The following CSGALNACT1 variants were observed in gnomAD, a reference collection of about 807,000 sequenced individuals.
The protein encoded by CSGALNACT1 is chondroitin sulfate N-acetylgalactosaminyltransferase 1.
CSGALNACT1 carries 52 observed loss-of-function variants against 51.0 expected under a neutral mutation model. The observed-to-expected ratio is 1.02, with a 90% confidence interval of 0.82 to 1.29. The LOEUF is 1.29. CSGALNACT1 is among the 50% of genes most tolerant of loss of function. The pLI is 0.00. For synonymous variants in CSGALNACT1, 341 were observed against 254.4 expected, an observed-to-expected ratio of 1.34 and a Z score of -3.24; for missense variants, 935 against 679.2, an observed-to-expected ratio of 1.38 and a Z score of -4.19.
chr8:19,620,380 A>G (rs2154160256), intron 1 of CSGALNACT1, among the ~76,000 whole-genome samples: 1 of 151,942 alleles, frequency 6.6e-6, no homozygotes, highest in African/African-American at 2.4e-5. Flanking sequence ...GTACTCATTA[A>G]AACACTATCA....
At chr8:19,614,703 G>A (rs958438104) in intron 1 of CSGALNACT1, among the ~76,000 whole-genome samples, 3 of 152,328 alleles carry the variant, frequency 2.0e-5, no homozygotes, top group Admixed American at 2.0e-4. Context: ...TCTGATCAGA[G>A]AAGGTTGAAA....
intron 4 of CSGALNACT1, among the ~76,000 whole-genome samples, chr8:19,473,118 T>C (rs533662129): frequency 2.0e-5 from 3 of 152,334 alleles, no homozygotes; most frequent in Admixed American, 6.5e-5. Flanking sequence ...ATGCAATTGC[T>C]AGTTTTTTCA....
At chr8:19,516,553 C>T (rs561690905) in intron 3 of CSGALNACT1, among the ~76,000 whole-genome samples, 2 of 152,320 alleles carry the variant, frequency 1.3e-5, no homozygotes, top group African/African-American at 4.8e-5. Flanking sequence ...CCGTGATCTG[C>T]ATTTACACAT....
At chr8:19,747,201 C>G (rs759298208) in intron 1 of CSGALNACT1, among the ~76,000 whole-genome samples, 7 of 151,954 alleles carry the variant, frequency 4.6e-5, no homozygotes, top group Non-Finnish European at 8.8e-5. Flanking sequence ...GGTACTTAGC[C>G]AGCAAATAAT....
intron 3 of CSGALNACT1, among the ~76,000 whole-genome samples, chr8:19,576,589 C>A (rs575309124): frequency 8.6e-5 from 13 of 151,978 alleles, no homozygotes; most frequent in Admixed American, 3.3e-4. Context: ...AGACCCCCAA[C>A]GAGTCTTGCT....
chr8:19,503,509 G>A (rs1378053134), intron 4 of CSGALNACT1, among the ~76,000 whole-genome samples: 1 of 152,022 alleles, frequency 6.6e-6, no homozygotes, highest in Non-Finnish European at 1.5e-5. Flanking sequence ...AAGTTCTTTT[G>A]AAACTGCTCT....
In CSGALNACT1 at chr8:19,481,057, T is replaced by A. The variant is rs115899493; in HGVS notation, c.635-22415A>T. On this transcript the variant is annotated intron_variant, in intron 4 of 9. Transcript: ENST00000454498. ...AAAATGTTGTCTACTGCTGGAAATA[T>A]CACAGTGTAAGTCTTTTTCCAAGTT... Among the ~76,000 whole-genome samples, 219 of 152,322 alleles carry A rather than the reference T, an allele frequency of 1.4e-3. 2 individuals carry two copies. The highest frequency in any genetic ancestry group is 5.1e-3 in the African/African-American group (214 of 41,572).
intron 1 of CSGALNACT1, among the ~76,000 whole-genome samples, chr8:19,617,278 C>T (rs1371084357): frequency 1.3e-5 from 2 of 152,166 alleles, no homozygotes; most frequent in Non-Finnish European, 2.9e-5. Flanking sequence ...TGAAGTTTCG[C>T]TCACTCGCCT....
intron 3 of CSGALNACT1, among the ~76,000 whole-genome samples, chr8:19,557,858 C>A (rs987311622): frequency 6.6e-6 from 1 of 152,228 alleles, no homozygotes; most frequent in African/African-American, 2.4e-5. Flanking sequence ...CCATTCTTCT[C>A]AGTACATACA....
intron 3 of CSGALNACT1, among the ~76,000 whole-genome samples, chr8:19,528,283 A>T (rs2154049888): frequency 6.6e-6 from 1 of 152,212 alleles, no homozygotes; most frequent in East Asian, 1.9e-4. Context: ...GAAAAAGAAA[A>T]AAAAAAAGCA....
chr8:19,406,106 C>G (rs1407381863), intron 9 of CSGALNACT1, 37 bp from the exon 9 acceptor site: 1 of 1,612,908 alleles, frequency 6.2e-7, no homozygotes, highest in Non-Finnish European at 8.5e-7. Flanking sequence ...TCACACTGCA[C>G]TGATCTGTTT....
At chr8:19,477,545 G>A (rs762112359) in intron 4 of CSGALNACT1, among the ~76,000 whole-genome samples, 6 of 152,052 alleles carry the variant, frequency 3.9e-5, no homozygotes, top group African/African-American at 1.2e-4. Context: ...ATAAAAATGC[G>A]CCTTGGTTAT....
intron 1 of CSGALNACT1, among the ~76,000 whole-genome samples, chr8:19,721,426 C>A (rs2063123085): frequency 6.6e-6 from 1 of 152,182 alleles, no homozygotes; most frequent in Admixed American, 6.5e-5. Context: ...CACATAGGCA[C>A]AGACAACAAC....
chr8:19,680,748 C>G (rs1042881241), intron 1 of CSGALNACT1, among the ~76,000 whole-genome samples: 1 of 152,068 alleles, frequency 6.6e-6, no homozygotes, highest in East Asian at 1.9e-4. Flanking sequence ...ATTTCATCAG[C>G]ACGTGAACAT....
intron 6 of CSGALNACT1, among the ~76,000 whole-genome samples, chr8:19,438,963 T>G (rs1471190018): frequency 6.6e-6 from 1 of 152,190 alleles, no homozygotes; most frequent in Non-Finnish European, 1.5e-5. Context: ...TGTTTATATC[T>G]AAATGATATG....
intron 1 of CSGALNACT1, among the ~76,000 whole-genome samples, chr8:19,708,064 G>A (rs2062282605): frequency 6.6e-6 from 1 of 152,166 alleles, no homozygotes; most frequent in African/African-American, 2.4e-5. Flanking sequence ...GCTCCACCCT[G>A]AGAAAGGATG....
chr8:19,500,641 T>TA (rs1419604573), intron 4 of CSGALNACT1, among the ~76,000 whole-genome samples: 1 of 152,186 alleles, frequency 6.6e-6, no homozygotes, highest in Admixed American at 6.5e-5. Context: ...ACAAGTGAAG[T>TA]AAAAAACTCA....
chr8:19,555,010 G>A (rs560323736), intron 3 of CSGALNACT1, among the ~76,000 whole-genome samples: 15 of 151,440 alleles, frequency 9.9e-5, no homozygotes, highest in South Asian at 4.2e-4. Context: ...GACGCCGAGC[G>A]GGGGTGAATC....
chr8:19,650,660 G>C (rs964779010), intron 1 of CSGALNACT1, among the ~76,000 whole-genome samples: 4 of 152,180 alleles, frequency 2.6e-5, no homozygotes, highest in African/African-American at 9.7e-5. Context: ...GCTCCCAGGA[G>C]ACCAGCCATA....
Sources: allele counts gnomAD v4.1 joint callset (sites outside exome capture counted in the v4.1 genomes callset), GRCh38; gene constraint gnomAD v4.1.1; transcripts MANE v1.5; gene names NCBI Gene and HGNC (gene_info 2026-07-23, HGNC 2026-07-21).